The following FAT1 variants were observed in gnomAD, a reference collection of about 807,000 sequenced individuals.
FAT1 encodes protocadherin Fat 1.
Under a neutral mutation model 329.8 loss-of-function variants are expected in FAT1, and 171 were observed. That is an observed-to-expected ratio of 0.52 (90% CI 0.46 to 0.59). The LOEUF is 0.59. Among genes scored for constraint, FAT1 ranks in the 20% least tolerant of loss-of-function variants. FAT1 has a pLI of 0.00. For synonymous variants in FAT1, 2,233 were observed against 2,228.6 expected, an observed-to-expected ratio of 1.00 and a Z score of -0.06; for missense variants, 5,672 against 5,774.4, an observed-to-expected ratio of 0.98 and a Z score of 0.57.
intron 9 of FAT1, among the ~76,000 whole-genome samples, chr4:186,627,173 T>C (rs1740351477): frequency 1.1e-5 from 1 of 92,338 alleles, no homozygotes; most frequent in South Asian, 5.1e-4. Context: ...AATGAATGAA[T>C]GAATGAATGA....
chr4:186,593,256 G>A (rs920356625), intron 26 of FAT1, among the ~76,000 whole-genome samples: 22 of 152,160 alleles, frequency 1.4e-4, no homozygotes, highest in African/African-American at 5.1e-4. Context: ...CAAATTTCTC[G>A]TCTGTTTGCA....
intron 3 of FAT1, among the ~76,000 whole-genome samples, chr4:186,653,461 G>T (rs1057460755): frequency 6.6e-6 from 1 of 152,062 alleles, no homozygotes; most frequent in Non-Finnish European, 1.5e-5. Flanking sequence ...TTAGAGCAAC[G>T]GGAGGGATTC....
intron 2 of FAT1, 69 bp downstream of exon 2, chr4:186,706,494 G>A: frequency 6.8e-7 from 1 of 1,466,896 alleles, no homozygotes; most frequent in Non-Finnish European, 9.1e-7. Context: ...AGCTGCCACA[G>A]GGCAGATGGT....
chr4:186,659,970 G>C (rs992824904), intron 3 of FAT1, among the ~76,000 whole-genome samples: 8 of 152,222 alleles, frequency 5.3e-5, no homozygotes, highest in Non-Finnish European at 2.9e-5. Context: ...ACACACACGA[G>C]CCTCAACAGG....
intron 21 of FAT1, among the ~76,000 whole-genome samples, chr4:186,600,859 C>T (rs78050432): frequency 0.046 from 7,037 of 152,238 alleles, 267 homozygotes; most frequent in East Asian, 0.17. Context: ...TACAGGCGTC[C>T]GCCACCAAGT....
intron 1 of FAT1, among the ~76,000 whole-genome samples, chr4:186,722,057 C>G (rs57956026): frequency 6.6e-6 from 1 of 152,118 alleles, no homozygotes; most frequent in African/African-American, 2.4e-5. Flanking sequence ...AGGTTGGTCT[C>G]GGACCCCCGA....
chr4:186,625,649 A>G (rs948575745), intron 9 of FAT1, among the ~76,000 whole-genome samples: 1 of 152,288 alleles, frequency 6.6e-6, no homozygotes, highest in Non-Finnish European at 1.5e-5. Context: ...ATTATGAAGA[A>G]GACTGAAAGG....
chr4:186,701,230 AAAG>A (rs1331727126), intron 2 of FAT1, among the ~76,000 whole-genome samples: 1 of 152,202 alleles, frequency 6.6e-6, no homozygotes, highest in African/African-American at 2.4e-5. Flanking sequence ...TTCCTGCTTC[AAAG>A]AAGGACCCTT....
At chr4:186,672,262 T>C (rs1253679073) in intron 2 of FAT1, among the ~76,000 whole-genome samples, 2 of 152,234 alleles carry the variant, frequency 1.3e-5, no homozygotes, top group Non-Finnish European at 1.5e-5. Flanking sequence ...TTTATGTTTT[T>C]GATAATAAAA....
rs2126516889 is a variant in FAT1 at position 186,620,569 on chromosome 4, T to C, written c.6017A>G (p.Asn2006Ser). 2 of 1,613,998 alleles carry C rather than the reference T, an allele frequency of 1.2e-6. No homozygotes were observed. The highest frequency in any genetic ancestry group is 1.7e-6 in the Non-Finnish European group (2 of 1,179,890). The change falls in exon 10 of 27, where the codon AAT becomes AGT. Residue 2006 changes from asparagine (N) to serine (S), a missense_variant. Asn to Ser is a conservative substitution (Grantham distance 46). Transcript: ENST00000441802. ...ATAAAACAAAGGCTCATTGATTGGATTCCCAATAGCAGTAATGACAGCTAA... is the reference window on the plus strand; with the variant it reads ...ATAAAACAAAGGCTCATTGATTGGACTCCCAATAGCAGTAATGACAGCTAA... ...ETLAVITAIGNPINEPLFYHI... is the reference protein window; with the variant it reads ...ETLAVITAIGSPINEPLFYHI...
intron 26 of FAT1, chr4:186,590,727 A>G (rs1380225932): frequency 2.2e-6 from 1 of 452,812 alleles, no homozygotes; most frequent in Admixed American, 2.4e-5. Context: ...AGGAATAATG[A>G]AAACAAAACA....
Position 186,620,905 on chromosome 4 carries a change from T to C in FAT1, c.5681A>G (p.Lys1894Arg), listed in dbSNP as rs1237148796. The change falls in exon 10 of 27, where the codon AAA (lysine) becomes AGA (arginine). Residue 1894 changes from lysine to arginine, a missense_variant. This residue lies in a region of FAT1 where 3,966 missense variants were observed against 3,915.2 expected (regional missense o/e 1.01). Transcript: ENST00000441802. The stretch of plus-strand genomic sequence containing the variant: ...ATTTACTGTGATGACTTTTACTCCT[T>C]TGTATGTTGGTAACAAAAGAGATGC... ...YEASLLLPTY[K>R]GVKVITVNAT... 1.2e-6 allele frequency: 2 copies of C among 1,613,914 alleles called. No homozygotes were observed. Among genetic ancestry groups the C allele is most frequent in the African/African-American group, 2.7e-5 (2 of 74,934 alleles).
intron 3 of FAT1, among the ~76,000 whole-genome samples, chr4:186,645,389 A>C (rs1440343737): frequency 0.02 from 1,841 of 91,662 alleles, 261 homozygotes; most frequent in East Asian, 0.18. Context: ...ATATATATAT[A>C]TATATATATA....
At chr4:186,599,150 T>C (rs752903938) in intron 22 of FAT1, among the ~76,000 whole-genome samples, 1 of 152,196 alleles carries the variant, frequency 6.6e-6, no homozygotes, top group Non-Finnish European at 1.5e-5. Context: ...GTAACTAATA[T>C]GAGCACAGTA....
At chr4:186,663,747 C>A in intron 2 of FAT1, 134 bp from the exon 3 acceptor site, 1 of 653,822 alleles carries the variant, frequency 1.5e-6, no homozygotes, top group South Asian at 2.1e-5. Flanking sequence ...AGCAGGTTAA[C>A]CAGCCTTTCT....
chr4:186,605,827 A>G (rs1739106052), intron 17 of FAT1, among the ~76,000 whole-genome samples: 2 of 152,116 alleles, frequency 1.3e-5, no homozygotes, highest in Non-Finnish European at 2.9e-5. Flanking sequence ...TGATTAAGCA[A>G]TAAGCTCTTA....
At chr4:186,608,805 C>T (rs1739261263) in intron 16 of FAT1, among the ~76,000 whole-genome samples, 1 of 152,188 alleles carries the variant, frequency 6.6e-6, no homozygotes, top group Non-Finnish European at 1.5e-5. Flanking sequence ...AAATATATTT[C>T]TTGGCTTCTA....
In FAT1 at chr4:186,603,663, GA is replaced by G; in HGVS notation, c.10862del (p.Phe3621SerfsTer19). ...GCACTGTGATGTCGGCCACCGTCGT[GA>G]ACTTCCCATCTGTTACGCTGACATT... ...LLNVSVTDGK[F>X]TTVADITVHI... On this transcript the variant is annotated frameshift_variant, in exon 19 of 27. Coordinates refer to ENST00000441802, the MANE Select transcript of FAT1 (RefSeq NM_005245.4). LOFTEE classifies it high-confidence loss of function. 1 of 1,614,004 alleles carries G rather than the reference GA, an allele frequency of 6.2e-7. No individual in the cohort carries two copies. The highest frequency in any genetic ancestry group is 8.5e-7 in the Non-Finnish European group (1 of 1,179,894).
chr4:186,720,980 C>T (rs1028156151), intron 1 of FAT1, among the ~76,000 whole-genome samples: 1 of 152,176 alleles, frequency 6.6e-6, no homozygotes, highest in African/African-American at 2.4e-5. Context: ...TTTCCAATAG[C>T]TCAGAAAGAG....
Sources: allele counts gnomAD v4.1 joint callset (sites outside exome capture counted in the v4.1 genomes callset), GRCh38; gene constraint gnomAD v4.1.1; regional missense constraint gnomAD v4.1.1; transcripts MANE v1.5; gene names NCBI Gene and HGNC (gene_info 2026-07-23, HGNC 2026-07-21).